The following CWC27 variants were observed in gnomAD, a reference collection of about 807,000 sequenced individuals.
CWC27 encodes the protein spliceosome-associated protein CWC27 homolog.
Under a neutral mutation model 63.6 loss-of-function variants are expected in CWC27, and 47 were observed. That is an observed-to-expected ratio of 0.74 (90% CI 0.58 to 0.94). CWC27 has a LOEUF of 0.94. Ranked by LOEUF, CWC27 falls within the 40% of genes least tolerant of loss-of-function variation. CWC27 has a pLI of 0.00. For missense variants in CWC27, 495 were observed against 554.3 expected (o/e 0.89, Z 1.07); for synonymous variants, 175 against 179.8 (o/e 0.97, Z 0.22).
intron 11 of CWC27, among the ~76,000 whole-genome samples, chr5:64,962,560 C>G (rs1416621345): frequency 1.3e-5 from 2 of 152,134 alleles, no homozygotes; most frequent in Admixed American, 6.6e-5. Context: ...TTTTTCAGAA[C>G]TCTATGTGGC....
At chr5:64,844,496 T>G (rs566470049) in intron 10 of CWC27, among the ~76,000 whole-genome samples, 1 of 152,314 alleles carries the variant, frequency 6.6e-6, no homozygotes, top group South Asian at 2.1e-4. Flanking sequence ...GACCTGCATA[T>G]GCAGGGGGAT....
At chr5:64,982,047 G>A (rs146518707) in intron 13 of CWC27, among the ~76,000 whole-genome samples, 1 of 152,182 alleles carries the variant, frequency 6.6e-6, no homozygotes, top group South Asian at 2.1e-4. Flanking sequence ...TTGGCTTAAA[G>A]AAGTTTTAAA....
At chr5:64,819,228 A>G (rs1397372346) in intron 10 of CWC27, among the ~76,000 whole-genome samples, 1 of 152,194 alleles carries the variant, frequency 6.6e-6, no homozygotes, top group African/African-American at 2.4e-5. Flanking sequence ...TCAGTGAACT[A>G]TAATAATTTT....
chr5:64,845,878 A>C (rs752125792), intron 10 of CWC27, among the ~76,000 whole-genome samples: 2 of 152,238 alleles, frequency 1.3e-5, no homozygotes, highest in Non-Finnish European at 2.9e-5. Flanking sequence ...CAGGTACAAG[A>C]AGCACAGAAA....
chr5:65,015,552 C>T (rs1750035551), intron 13 of CWC27, among the ~76,000 whole-genome samples: 1 of 152,028 alleles, frequency 6.6e-6, no homozygotes, highest in Non-Finnish European at 1.5e-5. Context: ...CTAGATGCCC[C>T]CGATGTGTGG....
At chr5:64,978,498 G>A (rs149605069) in intron 13 of CWC27, among the ~76,000 whole-genome samples, 5 of 152,278 alleles carry the variant, frequency 3.3e-5, no homozygotes, top group Admixed American at 6.5e-5. Context: ...TGCCAAAGGC[G>A]AAGGCTCAGT....
intron 10 of CWC27, among the ~76,000 whole-genome samples, chr5:64,809,997 C>A (rs1744820403): frequency 6.6e-6 from 1 of 151,752 alleles, no homozygotes; most frequent in Non-Finnish European, 1.5e-5. Context: ...CTATTCCCGC[C>A]TCTTTTTTTT....
At chr5:64,964,367 G>A (rs1195922262) in intron 11 of CWC27, among the ~76,000 whole-genome samples, 1 of 152,062 alleles carries the variant, frequency 6.6e-6, no homozygotes, top group Non-Finnish European at 1.5e-5. Flanking sequence ...AATTGCTTTT[G>A]GGAAATTCTA....
chr5:64,889,684 G>A (rs1344717152), intron 11 of CWC27, among the ~76,000 whole-genome samples: 1 of 152,172 alleles, frequency 6.6e-6, no homozygotes, highest in African/African-American at 2.4e-5. Context: ...CCAGCACTTT[G>A]GGATTGAATA....
chr5:64,888,299 A>ATAATTATATATAATATAGTTAATATAAT (rs1580704866), intron 11 of CWC27, among the ~76,000 whole-genome samples: 2 of 147,664 alleles, frequency 1.4e-5, no homozygotes, highest in Non-Finnish European at 3.0e-5. Context: ...TATAGTTAAT[A>ATAATTATATATAATATAGTTAATATAAT]TAATTATATA....
In CWC27 at chr5:64,908,446, CCTT is replaced by C. The variant is rs1159782266; in HGVS notation, c.1042+22903_1042+22905del. On this transcript the variant is annotated intron_variant, in intron 11 of 13. Transcript: ENST00000381070. The stretch of plus-strand genomic sequence containing the variant: ...TTCAAGTCCTGGATAGCATTGTTAA[CCTT>C]CTGTCTCGTTGATCTGTCTAATATT... Among the ~76,000 whole-genome samples the C allele has an allele frequency of 2.0e-5, 3 of 152,100 alleles. No individual in the cohort carries two copies. In the South Asian group the frequency reaches 6.2e-4, roughly 32 times the overall value.
chr5:64,929,290 C>T (rs1318050120), intron 11 of CWC27, among the ~76,000 whole-genome samples: 2 of 152,090 alleles, frequency 1.3e-5, no homozygotes, highest in Non-Finnish European at 2.9e-5. Flanking sequence ...ACACCATTTC[C>T]CTCTGAAAGG....
intron 13 of CWC27, among the ~76,000 whole-genome samples, chr5:65,004,905 T>TACACAC (rs1317560192): frequency 3.1e-5 from 2 of 63,552 alleles, no homozygotes; most frequent in Admixed American, 2.1e-4. Context: ...TATATATATA[T>TACACAC]ACATACACAC....
At chr5:64,893,829 C>T (rs1747301245) in intron 11 of CWC27, among the ~76,000 whole-genome samples, 1 of 152,014 alleles carries the variant, frequency 6.6e-6, no homozygotes, top group African/African-American at 2.4e-5. Flanking sequence ...TAACGAACGT[C>T]TTACTCATTA....
chr5:64,973,620 A>AT (rs986325290), intron 12 of CWC27, among the ~76,000 whole-genome samples: 28 of 152,206 alleles, frequency 1.8e-4, no homozygotes, highest in African/African-American at 5.8e-4. Context: ...TATTTTTGTG[A>AT]TTTTTTTCTG....
At chr5:64,832,861 T>C (rs374850602) in intron 10 of CWC27, among the ~76,000 whole-genome samples, 15 of 151,710 alleles carry the variant, frequency 9.9e-5, no homozygotes, top group Non-Finnish European at 7.4e-5. Context: ...TCATAGACGC[T>C]CTTGAAATGA....
At chr5:64,968,092 A>G (rs1749051336) in intron 11 of CWC27, among the ~76,000 whole-genome samples, 3 of 152,104 alleles carry the variant, frequency 2.0e-5, no homozygotes, top group Non-Finnish European at 4.4e-5. Context: ...TTAATAGACA[A>G]AAGATTTGAA....
intron 13 of CWC27, among the ~76,000 whole-genome samples, chr5:64,984,895 GT>G (rs1158934947): frequency 1.3e-5 from 2 of 152,020 alleles, no homozygotes; most frequent in Non-Finnish European, 2.9e-5. Context: ...TTTTTCCTAA[GT>G]TTTCTTTTAA....
rs149350367 is a variant in CWC27 at position 64,819,034 on chromosome 5, G to A, written c.938+14648G>A. The stretch of plus-strand genomic sequence containing the variant: ...AATACACATGTTGCTTAGCTTTTTC[G>A]TATATGTTGGGAGCATAGGTGAATA... On this transcript the variant is annotated intron_variant, in intron 10 of 13. Transcript: ENST00000381070. Among the ~76,000 whole-genome samples, 482 of 152,184 alleles carry A rather than the reference G, an allele frequency of 3.2e-3. 3 individuals are homozygous for A. The highest frequency in any genetic ancestry group is 0.01 in the African/African-American group (419 of 41,510).
Sources: gnomAD v4.1 joint callset for allele counts (sites outside exome capture counted in the v4.1 genomes callset) on GRCh38, gnomAD v4.1.1 for gene constraint, MANE v1.5 for transcripts, NCBI Gene and HGNC (gene_info 2026-07-23, HGNC 2026-07-21) for gene names.